The following TNS1 variants were observed in gnomAD, a reference collection of about 807,000 sequenced individuals.
TNS1 encodes the protein tensin 1.
TNS1 carries 62 observed loss-of-function variants against 168.6 expected under a neutral mutation model. The observed-to-expected ratio is 0.37, with a 90% CI of 0.30 to 0.45. The LOEUF (loss-of-function observed/expected upper bound fraction) is 0.45. TNS1 is among the 20% of genes least tolerant of loss of function. The pLI, the probability that TNS1 is intolerant of heterozygous loss-of-function variation, is 1.00. For missense variants in TNS1, 2,240 were observed against 2,339.4 expected, an observed-to-expected ratio of 0.96 and a Z score of 0.88; for synonymous variants, 934 against 933.2, an observed-to-expected ratio of 1.00 and a Z score of -0.02.
intron 3 of TNS1, among the ~76,000 whole-genome samples, chr2:217,939,109 A>G (rs566490301): frequency 6.6e-6 from 1 of 152,320 alleles, no homozygotes; most frequent in Admixed American, 6.5e-5. Context: ...GACACCGCCC[A>G]AAGTGTTTTA....
At chr2:217,874,923 C>G (rs1472646672) in intron 18 of TNS1, among the ~76,000 whole-genome samples, 1 of 152,242 alleles carries the variant, frequency 6.6e-6, no homozygotes, top group Non-Finnish European at 1.5e-5. Context: ...TCTTCTGGTT[C>G]TAGGTCCCAT....
chr2:217,852,611 G>A (rs1322070075), intron 18 of TNS1, among the ~76,000 whole-genome samples: 1 of 152,312 alleles, frequency 6.6e-6, no homozygotes, highest in Non-Finnish European at 1.5e-5. Flanking sequence ...CATCCCCCAG[G>A]CAGGAGAGAG....
In TNS1 at chr2:217,945,535, G is replaced by T. The variant is rs190297271; in HGVS notation, c.187-25299C>A. 1.1e-4 allele frequency among the ~76,000 whole-genome samples: 17 copies of T among 152,284 alleles called. No individual in the cohort carries two copies. The East Asian group carries it at 2.9e-3, about 26-fold the overall frequency. On this transcript the variant is annotated intron_variant, in intron 3 of 32. Coordinates refer to ENST00000682258, the MANE Select transcript of TNS1 (RefSeq NM_001387777.1). The stretch of plus-strand genomic sequence containing the variant: ...CACTCATCCTCTGCCTCCAGAGCAA[G>T]ATTTCGTCCTCTCCTAGCTGGAAAG...
chr2:217,826,424 C>T (rs1332294141), intron 22 of TNS1, among the ~76,000 whole-genome samples: 6 of 152,174 alleles, frequency 3.9e-5, no homozygotes, highest in Non-Finnish European at 7.4e-5. Flanking sequence ...TCTCCCCTCA[C>T]CCACCACCCG....
chr2:217,814,770 T>C (rs1183138267), intron 25 of TNS1, 142 bp downstream of exon 25: 4 of 631,884 alleles, frequency 6.3e-6, no homozygotes, highest in African/African-American at 5.5e-5. Flanking sequence ...TGCTTCCTAC[T>C]GTCCAGCTTC....
In TNS1 at chr2:217,979,528, G is replaced by GACAC. The variant is rs35499293; in HGVS notation, c.149-730_149-727dup. 3.0e-3 allele frequency among the ~76,000 whole-genome samples: 446 copies of GACAC among 146,772 alleles called. 1 individual carries two copies. Among genetic ancestry groups the GACAC allele is most frequent in the East Asian group, 0.019 (95 of 4,992 alleles). On this transcript the variant is annotated intron_variant, in intron 2 of 32. Transcript: ENST00000682258. The stretch of plus-strand genomic sequence containing the variant: ...TCATGTGCATGACTTGAAACACACA[G>GACAC]ACACACACACACACACACACACACA...
chr2:217,829,808 C>T (rs2125269258), intron 22 of TNS1: 2 of 1,613,786 alleles, frequency 1.2e-6, no homozygotes, highest in Non-Finnish European at 1.7e-6. Flanking sequence ...CATTTCCAGA[C>T]CCAGAGAGCA....
chr2:217,968,742 T>C (rs1264426505), intron 3 of TNS1, among the ~76,000 whole-genome samples: 1 of 152,200 alleles, frequency 6.6e-6, no homozygotes, highest in East Asian at 1.9e-4. Flanking sequence ...TCACCCAGGC[T>C]GGAGTGCAGT....
chr2:218,031,225 T>C (rs539187169), intron 1 of TNS1, among the ~76,000 whole-genome samples: 2 of 143,726 alleles, frequency 1.4e-5, no homozygotes, highest in South Asian at 2.4e-4. Flanking sequence ...TGTGTATGAG[T>C]GTGAGTGTGT....
intron 18 of TNS1, among the ~76,000 whole-genome samples, chr2:217,855,882 T>C (rs551199351): frequency 1.8e-4 from 28 of 152,228 alleles, no homozygotes; most frequent in Middle Eastern, 3.4e-3. Context: ...CATGAAGACA[T>C]GTATTCCTCA....
At chr2:217,952,994 C>A (rs1274870434) in intron 3 of TNS1, among the ~76,000 whole-genome samples, 1 of 152,222 alleles carries the variant, frequency 6.6e-6, no homozygotes, top group Non-Finnish European at 1.5e-5. Context: ...ATGACGTCAA[C>A]CCTAGACAGG....
At chr2:217,944,987 T>C (rs542108196) in intron 3 of TNS1, among the ~76,000 whole-genome samples, 1 of 152,330 alleles carries the variant, frequency 6.6e-6, no homozygotes, top group East Asian at 1.9e-4. Context: ...CTAAAGACTA[T>C]TAACTCTCAC....
At chr2:218,010,318 G>C (rs897640937) in exon 1 of TNS1, 1 of 396,246 alleles carries the variant, frequency 2.5e-6, no homozygotes, top group Non-Finnish European at 4.5e-6. Flanking sequence ...ACCCTGTCCC[G>C]GGTCTCCCGG....
chr2:217,886,434 T>C (rs569387126), intron 13 of TNS1, 100 bp downstream of exon 13: 1 of 952,062 alleles, frequency 1.1e-6, no homozygotes, highest in Admixed American at 2.0e-5. Context: ...TCTGCAGCTC[T>C]CGGGCTGTCT....
chr2:218,032,788 T>C lies in TNS1; in HGVS notation c.156+1032A>G, dbSNP rs1192316764. ...GCACAGCAGCTGGGATGGAGCTTGATCCCCACAGACAGAGGAGGGAGGGAG... is the reference window on the plus strand; with the variant it reads ...GCACAGCAGCTGGGATGGAGCTTGACCCCCACAGACAGAGGAGGGAGGGAG... On this transcript the variant is annotated intron_variant, in intron 1 of 1. Transcript: ENST00000649572. The surrounding 1 kb of genome is among the most constrained non-coding windows in gnomAD (Gnocchi z 4.0). Among the ~76,000 whole-genome samples the C allele has an allele frequency of 6.6e-6, 1 of 151,976 alleles. No individual in the cohort carries two copies. Among genetic ancestry groups the C allele is most frequent in the Non-Finnish European group, 1.5e-5 (1 of 67,988 alleles).
intron 19 of TNS1, among the ~76,000 whole-genome samples, chr2:217,845,389 T>C (rs1946502259): frequency 6.6e-6 from 1 of 152,184 alleles, no homozygotes; most frequent in African/African-American, 2.4e-5. Context: ...CACATTGATC[T>C]TGTCTGTCTG....
At chr2:217,996,042 G>A (rs2105964478) in intron 1 of TNS1, among the ~76,000 whole-genome samples, 1 of 152,300 alleles carries the variant, frequency 6.6e-6, no homozygotes, top group Non-Finnish European at 1.5e-5. Flanking sequence ...GCCCTGGGGT[G>A]GGAAAGTCTG....
chr2:218,007,333 T>G (rs1958667208), upstream of TNS1, among the ~76,000 whole-genome samples: 4 of 152,128 alleles, frequency 2.6e-5, no homozygotes, highest in Admixed American at 1.3e-4. Flanking sequence ...AACCCTCATT[T>G]TGTAAATGCA....
intron 19 of TNS1, among the ~76,000 whole-genome samples, chr2:217,844,947 C>A (rs1203051049): frequency 6.6e-6 from 1 of 152,306 alleles, no homozygotes; most frequent in South Asian, 2.1e-4. Flanking sequence ...ATGTTAGATG[C>A]AAGTGGTGAT....
Sources: gnomAD v4.1 joint callset for allele counts (sites outside exome capture counted in the v4.1 genomes callset) on GRCh38, gnomAD v4.1.1 for gene constraint, Gnocchi (gnomAD v3.1) non-coding constraint, MANE v1.5 for transcripts, NCBI Gene and HGNC (gene_info 2026-07-23, HGNC 2026-07-21) for gene names.